The following NIPAL1 variants were observed in gnomAD, a reference collection of about 807,000 sequenced individuals.
The protein encoded by NIPAL1 is NIPA like domain containing 1.
Under a neutral mutation model 37.7 loss-of-function variants are expected in NIPAL1, and 35 were observed. The ratio of observed to expected loss-of-function variants is 0.93; its 90% CI spans 0.71 to 1.23. NIPAL1 has a LOEUF of 1.23. Among genes scored for constraint, NIPAL1 ranks in the 50% most tolerant of loss-of-function variants. The probability of loss-of-function intolerance (pLI) is 0.00; values close to 1 mark genes in which losing one functional copy is unlikely to be tolerated. For missense variants in NIPAL1, 412 were observed against 473.9 expected (o/e 0.87, Z 1.21); for synonymous variants, 162 against 183.0 (o/e 0.89, Z 0.93).
intron 2 of NIPAL1, 48 bp from the exon 3 acceptor site, chr4:48,030,072 T>G: frequency 9.0e-7 from 1 of 1,109,224 alleles, no homozygotes; most frequent in Non-Finnish European, 1.4e-6. Context: ...CAAACCTTCC[T>G]CCAGTGTAGA....
intron 1 of NIPAL1, among the ~76,000 whole-genome samples, chr4:48,018,467 G>T (rs1214439278): frequency 6.6e-6 from 1 of 152,228 alleles, no homozygotes; most frequent in East Asian, 1.9e-4. Flanking sequence ...CTGAATGCAC[G>T]TTATTAGTAG....
Position 48,036,059 on chromosome 4 carries a change from G to A in NIPAL1, c.1120G>A (p.Glu374Lys), listed in dbSNP as rs773947677. ...WSELTSTAKK[E>K]AVSLNVNENN... ...TGAGCTTACATCCACTGCTAAGAAA[G>A]AAGCCGTCTCTCTGAATGTCAATGA... The change falls in exon 6 of 6, where the codon GAA becomes AAA. Residue 374 changes from glutamate (E) to lysine (K), a missense_variant. Glu to Lys is a moderately conservative substitution (Grantham distance 56, BLOSUM62 1). Coordinates refer to ENST00000295461, the MANE Select transcript of NIPAL1 (RefSeq NM_207330.3). 6.2e-7 allele frequency: 1 copy of A among 1,610,396 alleles called. No homozygotes were observed. Among genetic ancestry groups the A allele is most frequent in the Admixed American group, 1.7e-5 (1 of 58,450 alleles).
rs918679503 is a variant in NIPAL1, at chr4:48,024,596, A to G, written c.47-472A>G. Among the ~76,000 whole-genome samples the G allele has an allele frequency of 1.4e-4, 22 of 152,132 alleles. 1 individual carries two copies. Among genetic ancestry groups the G allele is most frequent in the African/African-American group, 5.1e-4 (21 of 41,426 alleles). ...ATGCCCAGCGAACAGATTTCTTGCA[A>G]TGTGATTTCTAGACTGAGGTTGCTA... On this transcript the variant is annotated intron_variant, in intron 1 of 5. Coordinates refer to ENST00000295461, the MANE Select transcript of NIPAL1 (RefSeq NM_207330.3).
In NIPAL1 at chr4:48,036,568, T is replaced by C. The variant is rs1715951181; in HGVS notation, c.*396T>C. On this transcript the variant is annotated 3_prime_UTR_variant, in exon 6 of 6. Transcript: ENST00000295461. ...GACACAGTATCAGTCATATTCTCCG[T>C]TGAGTCATAATTTCAAACTCAACAA... is the stretch of plus-strand genomic sequence containing the variant. 5.8e-6 allele frequency: 1 copy of C among 173,006 alleles called. No individual in the cohort carries two copies. The highest frequency in any genetic ancestry group is 2.4e-5 in the African/African-American group (1 of 41,690). 10.7% of individuals were successfully genotyped at this position (173,006 alleles called of 1,614,324 possible). A position where few individuals can be genotyped will look rare whatever the true frequency, so the allele number is the denominator to read the frequency against.
chr4:48,019,606 T>C (rs1466863847), intron 1 of NIPAL1, among the ~76,000 whole-genome samples: 1 of 152,180 alleles, frequency 6.6e-6, no homozygotes, highest in Non-Finnish European at 1.5e-5. Flanking sequence ...TTAAAAAGCT[T>C]AAGGTGAGAA....
intron 1 of NIPAL1, among the ~76,000 whole-genome samples, chr4:48,021,217 G>C (rs886482498): frequency 6.6e-6 from 1 of 152,118 alleles, no homozygotes; most frequent in Non-Finnish European, 1.5e-5. Context: ...GTTTAGAACT[G>C]GTCCATCAGC....
Position 48,036,180 on chromosome 4 carries a change from A to G in NIPAL1, c.*8A>G, listed in dbSNP as rs773764938. On this transcript the variant is annotated 3_prime_UTR_variant, in exon 6 of 6. Coordinates refer to ENST00000295461, the MANE Select transcript of NIPAL1 (RefSeq NM_207330.3). Reference sequence around the variant, plus strand: ...AGTAGAACTGATGACTGAAGTCTCTAGAAACACTGAGTTTTAACCAATATG... The same window carrying G: ...AGTAGAACTGATGACTGAAGTCTCTGGAAACACTGAGTTTTAACCAATATG... The G allele has an allele frequency of 1.3e-6, 2 of 1,585,734 alleles. No homozygotes were observed. The highest frequency in any genetic ancestry group is 1.2e-5 in the South Asian group (1 of 84,488).
chr4:48,024,122 A>G (rs1345758174), intron 1 of NIPAL1, among the ~76,000 whole-genome samples: 2 of 151,750 alleles, frequency 1.3e-5, no homozygotes, highest in Non-Finnish European at 2.9e-5. Flanking sequence ...ATAGGCATGC[A>G]CCACCATGCC....
intron 3 of NIPAL1, among the ~76,000 whole-genome samples, chr4:48,032,790 G>A (rs1250889751): frequency 6.6e-6 from 1 of 152,128 alleles, no homozygotes; most frequent in Non-Finnish European, 1.5e-5. Context: ...CATCTTTTGA[G>A]TTTATCACCT....
Position 48,029,170 on chromosome 4 carries a change from G to A in NIPAL1, c.314-950G>A, listed in dbSNP as rs76572667. Among the ~76,000 whole-genome samples, 1,824 of 152,228 alleles carry A rather than the reference G, an allele frequency of 0.012. 92 individuals carry two copies. The East Asian group carries it at 0.16, about 14-fold the overall frequency. On this transcript the variant is annotated intron_variant, in intron 2 of 5. Coordinates refer to ENST00000295461, the MANE Select transcript of NIPAL1 (RefSeq NM_207330.3). The stretch of plus-strand genomic sequence containing the variant: ...CCAAAGTCATGAAATCAACCTAAGT[G>A]CCCATCGACAGAGGACTGGATAAAG...
chr4:48,027,725 G>A lies in NIPAL1; in HGVS notation c.313+2391G>A, dbSNP rs1715723273. ...TATAATGACAAAGTCACAGATTAGA[G>A]TAGTAGGAAGATAACCTTTTGAATA... On this transcript the variant is annotated intron_variant, in intron 2 of 5. Coordinates refer to ENST00000295461, the MANE Select transcript of NIPAL1 (RefSeq NM_207330.3). This position sits in a 1 kb window ranked among gnomAD's most constrained non-coding sequence, Gnocchi z 4.1. 6.6e-6 allele frequency among the ~76,000 whole-genome samples: 1 copy of A among 152,180 alleles called. No homozygotes were observed. Among genetic ancestry groups the A allele is most frequent in the African/African-American group, 2.4e-5 (1 of 41,446 alleles).
At chr4:48,030,856 C>T (rs555242639) in intron 3 of NIPAL1, among the ~76,000 whole-genome samples, 1 of 152,214 alleles carries the variant, frequency 6.6e-6, no homozygotes, top group South Asian at 2.1e-4. Context: ...CATAAATTCC[C>T]TCTGTAGCCA....
At position 48,025,130 on chromosome 4, in the gene NIPAL1, T is replaced by TCACA; in HGVS notation, c.110_113dup (p.Gln38HisfsTer67). 1.2e-6 allele frequency: 2 copies of TCACA among 1,613,904 alleles called. No homozygotes were observed. The highest frequency in any genetic ancestry group is 1.7e-6 in the Non-Finnish European group (2 of 1,179,740). On this transcript the variant is annotated frameshift_variant, in exon 2 of 6. Coordinates refer to ENST00000295461, the MANE Select transcript of NIPAL1 (RefSeq NM_207330.3). LOFTEE classifies it high-confidence loss of function. ...GGCTTGGTGTGAGATCACAAATGTG[T>TCACA]CACAGCTGCTGGCTTCTCCTGTGCT... is the stretch of plus-strand genomic sequence containing the variant.
chr4:48,022,117 G>GT (rs1560322028), intron 1 of NIPAL1, among the ~76,000 whole-genome samples: 3 of 152,078 alleles, frequency 2.0e-5, no homozygotes, highest in African/African-American at 7.2e-5. Flanking sequence ...GAAAATTACT[G>GT]TGCTTACTTA....
chr4:48,029,534 T>G (rs1002961628), intron 2 of NIPAL1, among the ~76,000 whole-genome samples: 1 of 152,152 alleles, frequency 6.6e-6, no homozygotes, highest in African/African-American at 2.4e-5. Context: ...TACAGTAGAT[T>G]TATGTAACAC....
intron 1 of NIPAL1, among the ~76,000 whole-genome samples, chr4:48,021,195 C>T (rs2066002015): frequency 6.6e-6 from 1 of 152,166 alleles, no homozygotes; most frequent in African/African-American, 2.4e-5. Context: ...TCTCCTCTAT[C>T]AGTGCCTATG....
intron 3 of NIPAL1, among the ~76,000 whole-genome samples, chr4:48,031,463 T>C (rs1316099071): frequency 6.6e-6 from 1 of 152,218 alleles, no homozygotes; most frequent in Non-Finnish European, 1.5e-5. Context: ...TGGATCTTTC[T>C]CTTTTTCTGT....
At chr4:48,029,897 A>T (rs1279554812) in intron 2 of NIPAL1, among the ~76,000 whole-genome samples, 1 of 152,314 alleles carries the variant, frequency 6.6e-6, no homozygotes, top group East Asian at 1.9e-4. Context: ...AAAAAATCTA[A>T]ATGCAATTAA....
rs918130088 is a variant in NIPAL1, at chr4:48,036,813, A to C, written c.*641A>C. 1.3e-5 allele frequency: 2 copies of C among 152,966 alleles called. No individual in the cohort carries two copies. The highest frequency in any genetic ancestry group is 2.9e-5 in the Non-Finnish European group (2 of 68,654). 9.5% of individuals were successfully genotyped at this position (152,966 alleles called of 1,614,324 possible). The stretch of plus-strand genomic sequence containing the variant: ...CGTGGTGGCACATGCCTGTAGTTCC[A>C]GCCACCCGGGAGCCTGAGGTGGGAG... On this transcript the variant is annotated 3_prime_UTR_variant, in exon 6 of 6. Coordinates refer to ENST00000295461, the MANE Select transcript of NIPAL1 (RefSeq NM_207330.3).
Sources: allele counts gnomAD v4.1 joint callset (sites outside exome capture counted in the v4.1 genomes callset), GRCh38; gene constraint gnomAD v4.1.1; non-coding constraint Gnocchi (gnomAD v3.1); transcripts MANE v1.5; gene names NCBI Gene and HGNC (gene_info 2026-07-23, HGNC 2026-07-21).